The following NXPE2 variants were observed in gnomAD, a reference collection of about 807,000 sequenced individuals.
The protein encoded by NXPE2 is neurexophilin and PC-esterase domain family member 2.
Under a neutral mutation model 34.4 loss-of-function variants are expected in NXPE2, and 34 were observed. The ratio of observed to expected loss-of-function variants is 0.99; its 90% CI spans 0.75 to 1.31. NXPE2 has a LOEUF of 1.31. Ranked by LOEUF, NXPE2 falls within the 40% of genes most tolerant of loss-of-function variation. The pLI, the probability that NXPE2 is intolerant of heterozygous loss-of-function variation, is 0.00. For missense variants in NXPE2, 649 were observed against 672.5 expected (o/e 0.97, Z 0.39); for synonymous variants, 235 against 231.3 (o/e 1.02, Z -0.15).
the NXPE2 span, among the ~76,000 whole-genome samples, chr11:114,810,527 G>A: frequency 3.9e-5 from 6 of 152,064 alleles, no homozygotes; most frequent in South Asian, 8.3e-4. Flanking sequence ...AGTGGGCAAA[G>A]GATATGAACA....
chr11:114,704,164 C>A, intron 4 of NXPE2, 112 bp downstream of exon 4: 3 of 736,964 alleles, frequency 4.1e-6, no homozygotes, highest in Admixed American at 2.6e-5. Flanking sequence ...TTTCCTGGGA[C>A]AAATTACATC....
the NXPE2 span, among the ~76,000 whole-genome samples, chr11:114,764,582 T>C: frequency 6.6e-6 from 1 of 152,204 alleles, no homozygotes; most frequent in South Asian, 2.1e-4. Flanking sequence ...CACTTTTCTG[T>C]AGGTTTGAAA....
At chr11:114,707,424 T>G (rs1422177162), downstream of NXPE2, 1 of 427,614 alleles carries the variant, frequency 2.3e-6, no homozygotes, top group African/African-American at 2.1e-5. Context: ...CGAGACAGTC[T>G]CACTCTGTCA....
chr11:114,639,293 G>T, the NXPE2 span, among the ~76,000 whole-genome samples: 1 of 152,078 alleles, frequency 6.6e-6, no homozygotes, highest in Admixed American at 6.6e-5. Context: ...ATAATCTCCT[G>T]GTGCACCGTT....
the NXPE2 span, chr11:114,551,937 G>T: frequency 1.3e-5 from 2 of 152,108 alleles, no homozygotes; most frequent in East Asian, 3.8e-4. Flanking sequence ...CTTATTTTAG[G>T]AAACAAAATG....
At chr11:114,614,110 G>A in the NXPE2 span, among the ~76,000 whole-genome samples, 93 of 151,696 alleles carry the variant, frequency 6.1e-4, no homozygotes, top group Non-Finnish European at 1.1e-3. Context: ...GTGTTGCCTC[G>A]TGGGTAACCA....
At chr11:114,521,890 G>T in the NXPE2 span, 475 of 1,122,392 alleles carry the variant, frequency 4.2e-4, 1 homozygote, top group African/African-American at 7.0e-3. Context: ...TTCCTAAAAT[G>T]AGTAAAACTT....
chr11:114,767,573 G>A, the NXPE2 span, among the ~76,000 whole-genome samples: 1 of 152,138 alleles, frequency 6.6e-6, no homozygotes, highest in African/African-American at 2.4e-5. Context: ...ACTGAGAGTG[G>A]AGACCAGATT....
chr11:114,637,384 T>G, the NXPE2 span, among the ~76,000 whole-genome samples: 3 of 152,072 alleles, frequency 2.0e-5, no homozygotes, highest in Non-Finnish European at 4.4e-5. Flanking sequence ...GTTTCCTGAA[T>G]ACAGCACACT....
the NXPE2 span, among the ~76,000 whole-genome samples, chr11:114,808,680 T>G: frequency 3.3e-5 from 5 of 150,992 alleles, no homozygotes; most frequent in African/African-American, 7.3e-5. Context: ...AATAACAGGC[T>G]CTGAAATTGA....
At chr11:114,739,280 T>TTTCCTTCCTTCCTTCC in the NXPE2 span, among the ~76,000 whole-genome samples, 6 of 96,880 alleles carry the variant, frequency 6.2e-5, no homozygotes, top group African/African-American at 2.4e-4. Context: ...TTGCCATTAT[T>TTTCCTTCCTTCCTTCC]TTCCTTCCTT....
the NXPE2 span, among the ~76,000 whole-genome samples, chr11:114,642,265 C>A: frequency 2.0e-5 from 3 of 151,984 alleles, no homozygotes; most frequent in African/African-American, 7.2e-5. Flanking sequence ...CAGATAATTC[C>A]CAATTGAGGG....
the NXPE2 span, among the ~76,000 whole-genome samples, chr11:114,741,956 A>G: frequency 2.0e-5 from 3 of 152,136 alleles, no homozygotes; most frequent in African/African-American, 7.2e-5. Flanking sequence ...CTGGCTTTGG[A>G]AAAGAAAGAC....
At chr11:114,782,766 C>A in the NXPE2 span, among the ~76,000 whole-genome samples, 1 of 152,162 alleles carries the variant, frequency 6.6e-6, no homozygotes, top group African/African-American at 2.4e-5. Flanking sequence ...TTGAATCCAA[C>A]ACCTGATTCT....
chr11:114,706,879 G>A lies in NXPE2; in HGVS notation c.1629G>A (p.Pro543=), dbSNP rs201985306. ...ATTGCACCAACAATGCCCATCCACC[G>A]GATTATGTGATTCAAAATCAGATTG... ...IAYCTNNAHP[P]DYVIQNQIGM... The change falls in exon 6 of 6, where the codon CCG becomes CCA. Residue 543 remains proline (P), a synonymous_variant. Coordinates refer to ENST00000389586, the MANE Select transcript of NXPE2 (RefSeq NM_182495.6). 211 of 1,550,884 alleles carry A rather than the reference G, an allele frequency of 1.4e-4. No individual in the cohort carries two copies. Among genetic ancestry groups the A allele is most frequent in the Non-Finnish European group, 1.6e-4 (181 of 1,146,164 alleles).
the NXPE2 span, among the ~76,000 whole-genome samples, chr11:114,727,051 A>G: frequency 6.6e-6 from 1 of 151,416 alleles, no homozygotes; most frequent in Non-Finnish European, 1.5e-5. Context: ...ATACCTAAAA[A>G]CTCTTTCAGC....
the NXPE2 span, among the ~76,000 whole-genome samples, chr11:114,578,505 A>T: frequency 6.6e-6 from 1 of 152,276 alleles, no homozygotes; most frequent in South Asian, 2.1e-4. Context: ...GAGTTTAGTC[A>T]TTTACCAGAG....
At chr11:114,795,201 C>A in the NXPE2 span, among the ~76,000 whole-genome samples, 1 of 152,094 alleles carries the variant, frequency 6.6e-6, no homozygotes, top group Non-Finnish European at 1.5e-5. Flanking sequence ...AGAAAGCCTT[C>A]CCAGTTTGCA....
the NXPE2 span, among the ~76,000 whole-genome samples, chr11:114,568,261 G>T: frequency 6.6e-6 from 1 of 152,068 alleles, no homozygotes; most frequent in African/African-American, 2.4e-5. Context: ...ATAGTGCTCT[G>T]TGTTCCTTTT....
Sources: gnomAD v4.1 joint callset for allele counts (sites outside exome capture counted in the v4.1 genomes callset) on GRCh38, gnomAD v4.1.1 for gene constraint, MANE v1.5 for transcripts, NCBI Gene and HGNC (gene_info 2026-07-23, HGNC 2026-07-21) for gene names.